The following CCM2L variants were observed in gnomAD, a reference collection of about 807,000 sequenced individuals.
CCM2L encodes the protein CCM2 like scaffold protein.
A neutral mutation model predicts 54.1 loss-of-function variants in CCM2L; 36 were observed. That is an observed-to-expected ratio of 0.67 (90% confidence interval 0.51 to 0.88). CCM2L has a LOEUF of 0.88. CCM2L is among the 40% of genes least tolerant of loss of function. The pLI is 0.00. For synonymous variants in CCM2L, 351 were observed against 359.3 expected (o/e 0.98, Z 0.26); for missense variants, 700 against 812.1 (o/e 0.86, Z 1.68).
At chr20:32,022,619 T>C (rs1420363764) in intron 5 of CCM2L, 41 bp from the exon 6 acceptor site, 2 of 1,608,456 alleles carry the variant, frequency 1.2e-6, no homozygotes, top group Non-Finnish European at 1.7e-6. Context: ...ATCTTGGTCA[T>C]TGGTGAGGAC....
Position 32,029,123 on chromosome 20 carries a change from C to A in CCM2L, c.1262C>A (p.Thr421Lys), listed in dbSNP as rs954467952. The A allele has an allele frequency of 1.2e-6, 2 of 1,614,180 alleles. No individual in the cohort carries two copies. Among genetic ancestry groups the A allele is most frequent in the Admixed American group, 1.7e-5 (1 of 60,028 alleles). The change falls in exon 8 of 10, where the codon ACG becomes AAG. Residue 421 changes from threonine (T) to lysine (K), a missense_variant and splice_region_variant. Coordinates refer to ENST00000452892, the MANE Select transcript of CCM2L (RefSeq NM_001365692.1). ...GLEQLQDYMV[T>K]LRSKLGPLEI... ...GAGCAGTTACAGGATTACATGGTCA[C>A]GGTGAGCTGGGGCCGGTGGTGGGAA... is the stretch of plus-strand genomic sequence containing the variant.
chr20:32,019,512 C>T (rs2064783204), intron 5 of CCM2L, 103 bp downstream of exon 5: 1 of 813,354 alleles, frequency 1.2e-6, no homozygotes, highest in Admixed American at 3.5e-5. Context: ...AGGATCTGCC[C>T]CTGCCTTCTC....
At position 32,012,683 on chromosome 20, in the gene CCM2L, G is replaced by C. The variant is rs116029588; in HGVS notation, c.30+2199G>C. 2.7e-3 allele frequency among the ~76,000 whole-genome samples: 410 copies of C among 152,306 alleles called. 1 individual carries two copies. The highest frequency in any genetic ancestry group is 9.4e-3 in the African/African-American group (392 of 41,554). On this transcript the variant is annotated intron_variant, in intron 1 of 9. Coordinates refer to ENST00000452892, the MANE Select transcript of CCM2L (RefSeq NM_001365692.1). Reference sequence around the variant, plus strand: ...GAATCAAAACTCCAGGGCAGATAAAGTTGGAAACTCACTAGTCTAGGTCAT... The same window carrying C: ...GAATCAAAACTCCAGGGCAGATAAACTTGGAAACTCACTAGTCTAGGTCAT...
rs566762759 is a variant in CCM2L at position 32,029,704 on chromosome 20, G to A, written c.1268G>A (p.Arg423Gln). The A allele has an allele frequency of 9.3e-6, 15 of 1,607,988 alleles. No individual in the cohort carries two copies. Among genetic ancestry groups the A allele is most frequent in the Admixed American group, 5.1e-5 (3 of 59,154 alleles). The change falls in exon 9 of 10, where the codon CGG becomes CAG. Residue 423 changes from arginine (R) to glutamine (Q), a missense_variant. Coordinates refer to ENST00000452892, the MANE Select transcript of CCM2L (RefSeq NM_001365692.1). Reference protein sequence around the residue: ...EQLQDYMVTLRSKLGPLEIQQ... With the variant: ...EQLQDYMVTLQSKLGPLEIQQ... Reference sequence around the variant, plus strand: ...CGAATGGTGTCCCCCACATAGTTGCGGAGTAAGCTGGGGCCCCTCGAGATC... The same window carrying A: ...CGAATGGTGTCCCCCACATAGTTGCAGAGTAAGCTGGGGCCCCTCGAGATC...
chr20:32,013,982 C>G (rs1014586010), intron 1 of CCM2L, among the ~76,000 whole-genome samples: 33 of 152,110 alleles, frequency 2.2e-4, no homozygotes, highest in Non-Finnish European at 4.3e-4. Flanking sequence ...AAATGCTGTT[C>G]TAGATGGAAC....
intron 4 of CCM2L, among the ~76,000 whole-genome samples, chr20:32,018,496 G>T (rs1160716273): frequency 2.0e-5 from 3 of 151,886 alleles, no homozygotes; most frequent in African/African-American, 7.3e-5. Context: ...GTTACCACCC[G>T]GCTCTGAGGC....
At chr20:32,026,884 A>C (rs1183103816) in intron 7 of CCM2L, among the ~76,000 whole-genome samples, 1 of 151,918 alleles carries the variant, frequency 6.6e-6, no homozygotes, top group African/African-American at 2.4e-5. Context: ...TCAAAAAAAA[A>C]AAAAAAGAAA....
intron 2 of CCM2L, among the ~76,000 whole-genome samples, chr20:32,015,699 C>T (rs2064735641): frequency 6.6e-6 from 1 of 152,130 alleles, no homozygotes; most frequent in South Asian, 2.1e-4. Flanking sequence ...TGAGAATCCT[C>T]CCTCCTATTT....
At chr20:32,013,789 G>A (rs771649421) in intron 1 of CCM2L, among the ~76,000 whole-genome samples, 5 of 152,068 alleles carry the variant, frequency 3.3e-5, no homozygotes, top group Non-Finnish European at 4.4e-5. Flanking sequence ...GGCTGGGAGC[G>A]ACTGCTCTAA....
intron 4 of CCM2L, among the ~76,000 whole-genome samples, chr20:32,018,709 G>T (rs1370110777): frequency 6.6e-6 from 1 of 151,834 alleles, no homozygotes; most frequent in Non-Finnish European, 1.5e-5. Context: ...CGTGGGGAGC[G>T]TGGAAGCCAC....
At chr20:32,021,442 G>A (rs1037093427) in intron 5 of CCM2L, among the ~76,000 whole-genome samples, 1 of 152,118 alleles carries the variant, frequency 6.6e-6, no homozygotes, top group Non-Finnish European at 1.5e-5. Context: ...GATCACTAGA[G>A]CCCAGGAGTT....
intron 5 of CCM2L, 91 bp from the exon 6 acceptor site, chr20:32,022,569 T>G: frequency 6.8e-7 from 1 of 1,477,556 alleles, no homozygotes; most frequent in Non-Finnish European, 9.2e-7. Context: ...TGTGTATCTT[T>G]GTGCGCATCT....
chr20:32,025,530 G>A (rs2064850953), intron 6 of CCM2L, among the ~76,000 whole-genome samples: 1 of 152,134 alleles, frequency 6.6e-6, no homozygotes, highest in African/African-American at 2.4e-5. Flanking sequence ...GCCTCCCAAA[G>A]TGCTGGGATT....
intron 1 of CCM2L, among the ~76,000 whole-genome samples, chr20:32,012,578 T>G (rs1396471063): frequency 1.3e-5 from 2 of 152,184 alleles, no homozygotes; most frequent in Non-Finnish European, 2.9e-5. Flanking sequence ...ACTCAAAGCG[T>G]GGTGCACAGA....
chr20:32,010,582 A>G lies in CCM2L; in HGVS notation c.30+98A>G, dbSNP rs73906716. 8.0e-3 allele frequency: 8,338 copies of G among 1,046,648 alleles called. 517 individuals carry two copies. The African/African-American group carries it at 0.12, about 15-fold the overall frequency. 64.8% of individuals were successfully genotyped at this position (1,046,648 alleles called of 1,614,324 possible). On this transcript the variant is annotated intron_variant, in intron 1 of 9. Transcript: ENST00000452892. Reference sequence around the variant, plus strand: ...GGGTGGGGGGTCGGTAGCGAGGGGCATAAGTGGAGCCTTTCTTCTCATTTG... The same window carrying G: ...GGGTGGGGGGTCGGTAGCGAGGGGCGTAAGTGGAGCCTTTCTTCTCATTTG...
rs1457693284 is a variant in CCM2L, at chr20:32,017,844, C to T, written c.243C>T (p.Ser81=). The change falls in exon 3 of 10, where the codon TCC becomes TCT. Residue 81 remains serine, a synonymous_variant. Transcript: ENST00000452892. ...GGGTGACTTCCTCACTGAACCCCTC[C>T]AGTCGGGACGAGCTCCTGCAGCTGC... ...LTWVTSSLNP[S]SRDELLQLLD... is the part of the protein sequence containing the mutation. 6.2e-7 allele frequency: 1 copy of T among 1,614,132 alleles called. No homozygotes were observed.
At chr20:32,022,573 C>T (rs576798812) in intron 5 of CCM2L, 87 bp from the exon 6 acceptor site, 63 of 1,484,004 alleles carry the variant, frequency 4.2e-5, no homozygotes, top group East Asian at 3.7e-4. Flanking sequence ...TATCTTTGTG[C>T]GCATCTTCAC....
intron 9 of CCM2L, among the ~76,000 whole-genome samples, 159 bp downstream of exon 9, chr20:32,029,997 A>G (rs898779922): frequency 1.3e-5 from 2 of 152,186 alleles, no homozygotes; most frequent in Admixed American, 6.5e-5. Context: ...CCCAAAGTGC[A>G]GAGTAGGGAA....
chr20:32,024,798 G>C (rs1043423802), intron 6 of CCM2L, among the ~76,000 whole-genome samples: 2 of 152,236 alleles, frequency 1.3e-5, no homozygotes, highest in Admixed American at 6.5e-5. Context: ...CTGCACTCCA[G>C]CCTGGGCGAC....
Sources: gnomAD v4.1 joint callset for allele counts (sites outside exome capture counted in the v4.1 genomes callset) on GRCh38, gnomAD v4.1.1 for gene constraint, MANE v1.5 for transcripts, NCBI Gene and HGNC (gene_info 2026-07-23, HGNC 2026-07-21) for gene names.